Variants in SP110 observed in about 807,000 individuals in gnomAD.
The protein encoded by SP110 is SP110 nuclear body protein.
A neutral mutation model predicts 92.7 loss-of-function variants in SP110; 62 were observed. The ratio of observed to expected loss-of-function variants is 0.67; its 90% CI spans 0.55 to 0.83. SP110 has a LOEUF of 0.83. SP110 is among the 40% of genes least tolerant of loss of function. The pLI, the probability that SP110 is intolerant of heterozygous loss-of-function variation, is 0.00. For missense variants in SP110, 793 were observed against 863.9 expected, an observed-to-expected ratio of 0.92 and a Z score of 1.03; for synonymous variants, 273 against 305.3, an observed-to-expected ratio of 0.89 and a Z score of 1.10.
At chr2:230,173,160 C>A (rs559346831) in intron 14 of SP110, 2 of 554,852 alleles carry the variant, frequency 3.6e-6, no homozygotes, top group Non-Finnish European at 6.8e-6. Flanking sequence ...GGGTGGTGAC[C>A]GCCGCCACCA....
chr2:230,221,910 A>T, upstream of SP110: 1 of 623,806 alleles, frequency 1.6e-6, no homozygotes, highest in Non-Finnish European at 2.9e-6. Flanking sequence ...GCGAATGAGG[A>T]TGAAAGATGT....
At chr2:230,175,799 G>T (rs185698473) in intron 14 of SP110, among the ~76,000 whole-genome samples, 2 of 152,240 alleles carry the variant, frequency 1.3e-5, no homozygotes, top group African/African-American at 4.8e-5. Context: ...CAGTTCAAAG[G>T]CGTCATTCCA....
chr2:230,215,225 AG>A lies in SP110; in HGVS notation c.148-108del, dbSNP rs2044975874. The A allele has an allele frequency of 6.7e-6, 6 of 895,404 alleles. No homozygotes were observed. The South Asian group carries it at 8.9e-5, about 13-fold the overall frequency. 55.5% of individuals were successfully genotyped at this position (895,404 alleles called of 1,614,324 possible). ...AGAAAGCTACCTTACTCTTTTAAGA[AG>A]AAATTCAACATAAAATATATAGTCA... On this transcript the variant is annotated intron_variant, in intron 2 of 18. Transcript: ENST00000258381.
At chr2:230,171,410 T>A (rs2078437109) in intron 17 of SP110, 2 of 444,858 alleles carry the variant, frequency 4.5e-6, no homozygotes. Flanking sequence ...TGACTCTTAA[T>A]CTCTAGTAGG....
chr2:230,171,003 G>A (rs929295831), intron 17 of SP110: 5 of 577,996 alleles, frequency 8.7e-6, no homozygotes, highest in Admixed American at 5.8e-5. Flanking sequence ...TGAGGAAACC[G>A]AGGGATGGAG....
intron 10 of SP110, among the ~76,000 whole-genome samples, chr2:230,197,325 G>T (rs1478411328): frequency 1.3e-5 from 2 of 150,772 alleles, no homozygotes; most frequent in Non-Finnish European, 3.0e-5. Flanking sequence ...GTGTTTTTTG[G>T]CTGCATAAAT....
rs776686846 is a variant in SP110, at chr2:230,180,895, A to C, written c.1349-2640T>G. ...TTTAGTGTAAAGGAAAAAGGGCTTG[A>C]AATTGGAACACATAGGTTGATTTTA... On this transcript the variant is annotated intron_variant, in intron 12 of 18. Coordinates refer to ENST00000258381, the MANE Select transcript of SP110 (RefSeq NM_080424.4). Among the ~76,000 whole-genome samples the C allele has an allele frequency of 2.0e-5, 3 of 152,208 alleles. No homozygotes were observed. The South Asian group carries it at 6.2e-4, about 31-fold the overall frequency.
rs2041867631 is a variant in SP110, at chr2:230,176,579, C to T, written c.1590+959G>A. ...ATGCCATGCCCAAATGTGGAGGTGA[C>T]TCAGAGCTTGGAAACTCAGAAGCTC... On this transcript the variant is annotated intron_variant, in intron 14 of 18. Coordinates refer to ENST00000258381, the MANE Select transcript of SP110 (RefSeq NM_080424.4). 5 of 1,611,404 alleles carry T rather than the reference C, an allele frequency of 3.1e-6. No individual in the cohort carries two copies. In the South Asian group the frequency reaches 3.3e-5, roughly 11 times the overall value.
upstream of SP110, among the ~76,000 whole-genome samples, chr2:230,223,701 T>G (rs1335927659): frequency 6.6e-6 from 1 of 152,218 alleles, no homozygotes; most frequent in African/African-American, 2.4e-5. Flanking sequence ...TCAGGAATTT[T>G]GGAGTTGTGG....
At chr2:230,216,659 T>C in intron 2 of SP110, 122 bp downstream of exon 2, 2 of 1,199,978 alleles carry the variant, frequency 1.7e-6, no homozygotes, top group Non-Finnish European at 2.5e-6. Flanking sequence ...TCTGTGATAA[T>C]GAACATGCCT....
At chr2:230,189,819 T>C (rs1427814469) in intron 10 of SP110, among the ~76,000 whole-genome samples, 1 of 152,184 alleles carries the variant, frequency 6.6e-6, no homozygotes, top group East Asian at 1.9e-4. Flanking sequence ...CTGTGTTACT[T>C]TGCTGAGGAT....
intron 10 of SP110, 92 bp downstream of exon 10, chr2:230,200,793 A>G: frequency 9.6e-7 from 1 of 1,046,108 alleles, no homozygotes; most frequent in Non-Finnish European, 1.5e-6. Context: ...TAATGAAAAA[A>G]AAAAGTTAAG....
At chr2:230,193,350 G>T (rs1362734016) in intron 10 of SP110, among the ~76,000 whole-genome samples, 1 of 152,134 alleles carries the variant, frequency 6.6e-6, no homozygotes, top group East Asian at 1.9e-4. Context: ...GCCCATTTAT[G>T]TTGAACATTA....
At position 230,177,651 on chromosome 2, in the gene SP110, C is replaced by G; in HGVS notation, c.1477G>C (p.Asp493His). Residue 493 changes from aspartate to histidine, a missense_variant, in exon 14 of 19, where the codon GAT (aspartate) becomes CAT (histidine). Coordinates refer to ENST00000258381, the MANE Select transcript of SP110 (RefSeq NM_080424.4). The stretch of plus-strand genomic sequence containing the variant: ...TCATTTGGTGTTAACCAAGTTCCAT[C>G]CTCATTCCGAATGCACTTCACTGAG... The part of the protein sequence containing the change: ...GSSVKCIRNE[D>H]GTWLTPNEFE... The G allele has an allele frequency of 6.2e-7, 1 of 1,614,168 alleles. No homozygotes were observed. Among genetic ancestry groups the G allele is most frequent in the Non-Finnish European group, 8.5e-7 (1 of 1,180,008 alleles).
intron 10 of SP110, among the ~76,000 whole-genome samples, chr2:230,197,053 T>C (rs1306723838): frequency 6.6e-6 from 1 of 152,222 alleles, no homozygotes; most frequent in African/African-American, 2.4e-5. Flanking sequence ...TTTGGGTATA[T>C]ACCCGGTAAT....
At chr2:230,180,876 G>A (rs1429912586) in intron 12 of SP110, among the ~76,000 whole-genome samples, 1 of 152,184 alleles carries the variant, frequency 6.6e-6, no homozygotes, top group Admixed American at 6.5e-5. Flanking sequence ...CATTTTTAGT[G>A]TAAAGGAAAA....
At chr2:230,218,223 G>T (rs896499571) in intron 1 of SP110, among the ~76,000 whole-genome samples, 2 of 152,208 alleles carry the variant, frequency 1.3e-5, no homozygotes, top group African/African-American at 4.8e-5. Context: ...ACTTCATTTT[G>T]TGTTGAACAG....
rs200488736 is a variant in SP110 at position 230,212,845 on chromosome 2, C to T, written c.499G>A (p.Asp167Asn). 9 of 1,614,052 alleles carry T rather than the reference C, an allele frequency of 5.6e-6. No individual in the cohort carries two copies. Among genetic ancestry groups the T allele is most frequent in the South Asian group, 2.2e-5 (2 of 91,076 alleles). Residue 167 changes from aspartate (D) to asparagine (N), a missense_variant, in exon 4 of 19, where the codon GAT (aspartate) becomes AAT (asparagine). By Grantham distance (23) the Asp-to-Asn change is conservative. Coordinates refer to ENST00000258381, the MANE Select transcript of SP110 (RefSeq NM_080424.4). Reference protein sequence around the residue: ...SEPGTSSQQSDEILSESPSPS... With the variant: ...SEPGTSSQQSNEILSESPSPS... ...CTGGGCGACTCACTCAGGATCTCAT[C>T]GCTTTGCTGGGAGGATGTTCCAGGC...
intron 11 of SP110, among the ~76,000 whole-genome samples, chr2:230,185,190 G>A (rs1005047609): frequency 6.6e-5 from 10 of 152,104 alleles, no homozygotes; most frequent in African/African-American, 2.4e-4. Flanking sequence ...CCCTGGTCTT[G>A]GGCAGAGAGA....
Sources: gnomAD v4.1 joint callset for allele counts (sites outside exome capture counted in the v4.1 genomes callset) on GRCh38, gnomAD v4.1.1 for gene constraint, MANE v1.5 for transcripts, NCBI Gene and HGNC (gene_info 2026-07-23, HGNC 2026-07-21) for gene names.